NVL: variants seen among roughly 807,000 people sequenced by gnomAD.
NVL encodes the protein nuclear valosin-containing protein-like.
NVL carries 84 observed loss-of-function variants against 110.2 expected under a neutral mutation model. That is an observed-to-expected ratio of 0.76 (90% CI 0.64 to 0.91). The LOEUF is 0.91. Among genes scored for constraint, NVL ranks in the 40% least tolerant of loss-of-function variants. NVL has a pLI of 0.00. For missense variants in NVL, 882 were observed against 1,035.9 expected, an observed-to-expected ratio of 0.85 and a Z score of 2.04; for synonymous variants, 354 against 361.1, an observed-to-expected ratio of 0.98 and a Z score of 0.22.
intron 2 of NVL, among the ~76,000 whole-genome samples, chr1:224,318,825 T>TA (rs879685983): frequency 1.8e-3 from 226 of 128,884 alleles, no homozygotes; most frequent in Middle Eastern, 4.5e-3. Flanking sequence ...CTTCTAAAAA[T>TA]AAAAAAAAAA....
At chr1:224,287,072 G>A (rs996602448) in intron 14 of NVL, among the ~76,000 whole-genome samples, 1 of 152,082 alleles carries the variant, frequency 6.6e-6, no homozygotes, top group South Asian at 2.1e-4. Flanking sequence ...AGGTCTCAAT[G>A]GAATATTATT....
In NVL at chr1:224,326,380, T is replaced by C. The variant is rs1001672953; in HGVS notation, c.131+11A>G. On this transcript the variant is annotated intron_variant, in intron 2 of 22. Coordinates refer to ENST00000281701, the MANE Select transcript of NVL (RefSeq NM_002533.4). ...TAAAAATCCAAGGATCCGGAAACTA[T>C]ATTTATTTACCTGTACACTCTTTGT... The C allele has an allele frequency of 4.4e-6, 7 of 1,584,104 alleles. No individual in the cohort carries two copies. Among genetic ancestry groups the C allele is most frequent in the Middle Eastern group, 1.7e-4 (1 of 5,976 alleles).
chr1:224,242,866 C>G (rs1661365359), intron 19 of NVL, among the ~76,000 whole-genome samples: 2 of 142,676 alleles, frequency 1.4e-5, no homozygotes, highest in African/African-American at 5.2e-5. Context: ...CGTCCTGTTG[C>G]CCAGGCTGGA....
intron 14 of NVL, among the ~76,000 whole-genome samples, chr1:224,287,319 A>G (rs1251738387): frequency 1.3e-5 from 2 of 152,206 alleles, no homozygotes; most frequent in African/African-American, 4.8e-5. Context: ...GGTAAAAAAA[A>G]TAGTTAGATA....
chr1:224,273,055 A>C (rs1378186860), intron 17 of NVL, among the ~76,000 whole-genome samples: 2 of 139,676 alleles, frequency 1.4e-5, no homozygotes, highest in African/African-American at 2.9e-5. Flanking sequence ...AAAAAAACAA[A>C]CAAACAAAAA....
At chr1:224,275,202 A>G in intron 17 of NVL, 137 bp downstream of exon 17, 1 of 987,762 alleles carries the variant, frequency 1.0e-6, no homozygotes. Context: ...CTAGGATTTG[A>G]TTTCAAATTA....
At position 224,330,170 on chromosome 1, in the gene NVL, G is replaced by A; in HGVS notation, c.-43C>T. On this transcript the variant is annotated 5_prime_UTR_variant, in exon 1 of 23. Transcript: ENST00000281701. Reference sequence around the variant, plus strand: ...CCACAGCTCGGACCGCCAGCTCCTAGTCAACCGGGGGCCTCGTAGGGGTTG... The same window carrying A: ...CCACAGCTCGGACCGCCAGCTCCTAATCAACCGGGGGCCTCGTAGGGGTTG... 5.0e-6 allele frequency: 8 copies of A among 1,604,624 alleles called. No individual in the cohort carries two copies. Among genetic ancestry groups the A allele is most frequent in the Non-Finnish European group, 6.8e-6 (8 of 1,171,482 alleles).
intron 19 of NVL, 138 bp downstream of exon 19, chr1:224,250,074 C>T (rs1156860875): frequency 6.9e-6 from 5 of 722,840 alleles, no homozygotes; most frequent in Non-Finnish European, 1.1e-5. Context: ...AGTTCACCTT[C>T]CCTTTGGGAG....
At chr1:224,237,730 CTT>C (rs775411063) in intron 19 of NVL, among the ~76,000 whole-genome samples, 1 of 130,076 alleles carries the variant, frequency 7.7e-6, no homozygotes, top group Admixed American at 8.3e-5. Flanking sequence ...TGCCTGGCTA[CTT>C]TTTTTTTTTT....
intron 19 of NVL, among the ~76,000 whole-genome samples, chr1:224,244,793 T>G (rs1282301503): frequency 6.6e-6 from 1 of 151,960 alleles, no homozygotes; most frequent in Admixed American, 6.6e-5. Flanking sequence ...GTTCAAGTGA[T>G]TCTTTTGCCT....
chr1:224,276,091 C>A (rs1008534683), intron 16 of NVL, among the ~76,000 whole-genome samples: 1 of 152,106 alleles, frequency 6.6e-6, no homozygotes, highest in African/African-American at 2.4e-5. Context: ...TGAAAAGCTA[C>A]ATGTAAGGAT....
intron 18 of NVL, among the ~76,000 whole-genome samples, chr1:224,263,068 G>A (rs1664143536): frequency 6.6e-6 from 1 of 152,148 alleles, no homozygotes; most frequent in African/African-American, 2.4e-5. Flanking sequence ...AGCCATAAGA[G>A]CATATTTGAA....
chr1:224,299,513 T>A (rs923206165), intron 10 of NVL, among the ~76,000 whole-genome samples: 1 of 152,222 alleles, frequency 6.6e-6, no homozygotes, highest in Admixed American at 6.5e-5. Flanking sequence ...TGTGAGGTAC[T>A]GTACTGGCTC....
chr1:224,244,560 C>T (rs188683206), intron 19 of NVL, among the ~76,000 whole-genome samples: 178 of 151,748 alleles, frequency 1.2e-3, no homozygotes, highest in African/African-American at 4.3e-3. Context: ...CAACCTCCAC[C>T]TCTCTGCTTC....
intron 2 of NVL, among the ~76,000 whole-genome samples, chr1:224,319,753 G>A (rs1230207847): frequency 1.3e-5 from 2 of 152,118 alleles, no homozygotes; most frequent in Admixed American, 6.6e-5. Flanking sequence ...AAAGTTTGAT[G>A]AGTACAGGAT....
chr1:224,282,276 C>T (rs563355691), intron 15 of NVL, among the ~76,000 whole-genome samples: 1 of 152,120 alleles, frequency 6.6e-6, no homozygotes, highest in South Asian at 2.1e-4. Context: ...CCACATTGCC[C>T]AGGCTGAAAC....
intron 9 of NVL, among the ~76,000 whole-genome samples, chr1:224,302,485 G>A (rs748235509): frequency 2.6e-5 from 4 of 152,166 alleles, no homozygotes; most frequent in Non-Finnish European, 4.4e-5. Flanking sequence ...ACAGGCATGA[G>A]CCACTGCGCC....
chr1:224,323,559 G>A (rs1376919787), intron 2 of NVL, among the ~76,000 whole-genome samples: 2 of 152,138 alleles, frequency 1.3e-5, no homozygotes, highest in Non-Finnish European at 2.9e-5. Context: ...GGACCGAGAT[G>A]GGGACAAAAT....
intron 17 of NVL, among the ~76,000 whole-genome samples, chr1:224,274,096 T>G (rs1230105581): frequency 6.9e-6 from 1 of 144,382 alleles, no homozygotes; most frequent in African/African-American, 2.5e-5. Flanking sequence ...TTTCCTAGGT[T>G]TCAGAAATGA....
Sources: gnomAD v4.1 joint callset for allele counts (sites outside exome capture counted in the v4.1 genomes callset) on GRCh38, gnomAD v4.1.1 for gene constraint, MANE v1.5 for transcripts, NCBI Gene and HGNC (gene_info 2026-07-23, HGNC 2026-07-21) for gene names.